Variants in PTPRG observed in about 807,000 individuals in gnomAD.
PTPRG encodes the protein protein tyrosine phosphatase receptor type G.
PTPRG carries 102 observed loss-of-function variants against 165.3 expected under a neutral mutation model. The ratio of observed to expected loss-of-function variants is 0.62; its 90% confidence interval spans 0.53 to 0.73. The LOEUF is 0.73. Ranked by LOEUF, PTPRG falls within the 30% of genes least tolerant of loss-of-function variation. The pLI, the probability that PTPRG is intolerant of heterozygous loss-of-function variation, is 0.00. For synonymous variants in PTPRG, 675 were observed against 669.5 expected, an observed-to-expected ratio of 1.01 and a Z score of -0.13; for missense variants, 1,866 against 1,861.4, an observed-to-expected ratio of 1.00 and a Z score of -0.05.
intron 2 of PTPRG, among the ~76,000 whole-genome samples, chr3:61,783,215 C>CTA (rs2034596168): frequency 6.6e-6 from 1 of 152,120 alleles, no homozygotes; most frequent in Non-Finnish European, 1.5e-5. Context: ...TAGCATGTGC[C>CTA]TATAGTCCTA....
At chr3:62,040,777 G>A (rs980666676) in intron 4 of PTPRG, among the ~76,000 whole-genome samples, 5 of 152,218 alleles carry the variant, frequency 3.3e-5, no homozygotes, top group African/African-American at 9.6e-5. Flanking sequence ...GAGCACCGGA[G>A]TATAGGAGCT....
At chr3:62,028,767 A>G (rs945253201) in intron 4 of PTPRG, among the ~76,000 whole-genome samples, 1 of 152,234 alleles carries the variant, frequency 6.6e-6, no homozygotes, top group African/African-American at 2.4e-5. Flanking sequence ...AGACGGGGCT[A>G]GAAAGGAGAC....
chr3:62,066,327 T>G (rs1347592807), intron 4 of PTPRG, among the ~76,000 whole-genome samples: 1 of 152,242 alleles, frequency 6.6e-6, no homozygotes, highest in African/African-American at 2.4e-5. Context: ...GATTCCTAGT[T>G]GGTTTTGAAT....
chr3:61,815,862 C>T (rs888956608), intron 2 of PTPRG, among the ~76,000 whole-genome samples: 5 of 152,202 alleles, frequency 3.3e-5, no homozygotes, highest in Non-Finnish European at 7.4e-5. Flanking sequence ...GCCCTAAAAA[C>T]ATAACCAGTG....
chr3:61,739,398 C>T (rs892810524), intron 1 of PTPRG, among the ~76,000 whole-genome samples: 1 of 152,116 alleles, frequency 6.6e-6, no homozygotes, highest in African/African-American at 2.4e-5. Flanking sequence ...GGAATTGTTA[C>T]ATTTTTAGTT....
Position 62,163,630 on chromosome 3 carries a change from G to T in PTPRG, c.841-4341G>T, listed in dbSNP as rs370200501. On this transcript the variant is annotated intron_variant, in intron 7 of 29. Coordinates refer to ENST00000474889, the MANE Select transcript of PTPRG (RefSeq NM_002841.4). ...GGGAAGGTTGATACAGCATTTTACA[G>T]TTGTTGTAAGCTTAGAGTACAATTG... is the stretch of plus-strand genomic sequence containing the variant. Among the ~76,000 whole-genome samples the T allele has an allele frequency of 9.5e-4, 144 of 152,332 alleles. 4 individuals are homozygous for T. In the South Asian group the frequency reaches 0.028, roughly 29 times the overall value.
At chr3:62,202,679 CCACTTCCT>C (rs1455145108) in intron 11 of PTPRG, among the ~76,000 whole-genome samples, 1 of 152,216 alleles carries the variant, frequency 6.6e-6, no homozygotes, top group Non-Finnish European at 1.5e-5. Flanking sequence ...CCTTGTCCAC[CCACTTCCT>C]CACTGGGAGA....
At chr3:62,070,711 A>G (rs1487886460) in intron 4 of PTPRG, among the ~76,000 whole-genome samples, 1 of 152,190 alleles carries the variant, frequency 6.6e-6, no homozygotes, top group Non-Finnish European at 1.5e-5. Context: ...TAACTCTGTC[A>G]TCATCCTACG....
chr3:61,831,467 T>C (rs1277603646), intron 2 of PTPRG, among the ~76,000 whole-genome samples: 1 of 152,184 alleles, frequency 6.6e-6, no homozygotes, highest in Non-Finnish European at 1.5e-5. Context: ...GACACCTGTT[T>C]TTTTGTTTTT....
At chr3:61,655,375 A>G (rs1181277515) in intron 1 of PTPRG, among the ~76,000 whole-genome samples, 1 of 152,168 alleles carries the variant, frequency 6.6e-6, no homozygotes, top group Non-Finnish European at 1.5e-5. Flanking sequence ...CTGTAGATTA[A>G]GATCTTCAGG....
Position 62,279,998 on chromosome 3 carries a change from A to G in PTPRG, c.3766-1565A>G, listed in dbSNP as rs544727366. On this transcript the variant is annotated intron_variant, in intron 26 of 29. Transcript: ENST00000474889. ...ATTTCTCACAGTCTCCAACCTATGCAACAATTAACTTTCTCTTAGGCATCC... is the reference window on the plus strand; with the variant it reads ...ATTTCTCACAGTCTCCAACCTATGCGACAATTAACTTTCTCTTAGGCATCC... 1.2e-4 allele frequency among the ~76,000 whole-genome samples: 19 copies of G among 152,154 alleles called. No individual in the cohort carries two copies. In the South Asian group the frequency reaches 3.9e-3, roughly 32 times the overall value.
At position 61,726,292 on chromosome 3, in the gene PTPRG, G is replaced by A. The variant is rs1026382096; in HGVS notation, c.86-22586G>A. Reference sequence around the variant, plus strand: ...GTTTACCATCTCTTTCAAGCGAAAGGGTCTTTTGATTTATGACTTGGTGGG... The same window carrying A: ...GTTTACCATCTCTTTCAAGCGAAAGAGTCTTTTGATTTATGACTTGGTGGG... On this transcript the variant is annotated intron_variant, in intron 1 of 29. Coordinates refer to ENST00000474889, the MANE Select transcript of PTPRG (RefSeq NM_002841.4). Among the ~76,000 whole-genome samples, 3 of 152,074 alleles carry A rather than the reference G, an allele frequency of 2.0e-5. No individual in the cohort carries two copies. The East Asian group carries it at 5.8e-4, about 29-fold the overall frequency.
At chr3:61,772,848 G>A (rs1280464756) in intron 2 of PTPRG, among the ~76,000 whole-genome samples, 1 of 152,198 alleles carries the variant, frequency 6.6e-6, no homozygotes. Flanking sequence ...AGGGTTGCTA[G>A]ATCAGAGAAT....
chr3:62,125,993 A>T (rs1160499246), intron 5 of PTPRG, among the ~76,000 whole-genome samples: 2 of 152,182 alleles, frequency 1.3e-5, no homozygotes, highest in African/African-American at 4.8e-5. Context: ...CACCCCAGCC[A>T]TCCCACTTCC....
intron 8 of PTPRG, among the ~76,000 whole-genome samples, chr3:62,186,740 GT>G (rs1371709364): frequency 6.6e-6 from 1 of 151,666 alleles, no homozygotes; most frequent in Non-Finnish European, 1.5e-5. Context: ...TAATTTTTGT[GT>G]TTTTTTCTAG....
chr3:61,569,292 G>A (rs1367423833), intron 1 of PTPRG, among the ~76,000 whole-genome samples: 2 of 152,244 alleles, frequency 1.3e-5, no homozygotes, highest in South Asian at 2.1e-4. Flanking sequence ...ATTGCTAGCC[G>A]TGCTACCTTA....
chr3:61,997,458 CTTTCT>C (rs1269441013), intron 3 of PTPRG, among the ~76,000 whole-genome samples: 19 of 152,300 alleles, frequency 1.2e-4, no homozygotes, highest in Admixed American at 4.6e-4. Context: ...GTCACCTTGG[CTTTCT>C]CTTACTCGTT....
chr3:62,234,587 T>A (rs1485087907), intron 14 of PTPRG, among the ~76,000 whole-genome samples: 1 of 152,182 alleles, frequency 6.6e-6, no homozygotes. Context: ...ATAAGTGGGA[T>A]TGAACCATTT....
chr3:62,070,209 G>C (rs2106724801), intron 4 of PTPRG, among the ~76,000 whole-genome samples: 1 of 152,280 alleles, frequency 6.6e-6, no homozygotes, highest in South Asian at 2.1e-4. Context: ...GAATTAAAGA[G>C]AAAGTAACAT....
Sources: allele counts gnomAD v4.1 joint callset (sites outside exome capture counted in the v4.1 genomes callset), GRCh38; gene constraint gnomAD v4.1.1; transcripts MANE v1.5; gene names NCBI Gene and HGNC (gene_info 2026-07-23, HGNC 2026-07-21).